The following HHAT variants were observed in gnomAD, a reference collection of about 807,000 sequenced individuals.
The protein encoded by HHAT is protein-cysteine N-palmitoyltransferase HHAT.
A neutral mutation model predicts 70.8 loss-of-function variants in HHAT; 47 were observed. The ratio of observed to expected loss-of-function variants is 0.66; its 90% CI spans 0.53 to 0.85. The LOEUF is 0.85. Among genes scored for constraint, HHAT ranks in the 40% least tolerant of loss-of-function variants. The pLI, the probability that HHAT is intolerant of heterozygous loss-of-function variation, is 0.00. For synonymous variants in HHAT, 228 were observed against 247.6 expected (o/e 0.92, Z 0.74); for missense variants, 609 against 604.8 (o/e 1.01, Z -0.07).
intron 3 of HHAT, among the ~76,000 whole-genome samples, chr1:210,364,816 G>GT (rs2148034841): frequency 6.6e-6 from 1 of 152,340 alleles, no homozygotes; most frequent in South Asian, 2.1e-4. Context: ...GGTCGGGAGT[G>GT]TTGTTGCTCA....
At chr1:210,410,587 C>A (rs570919575) in intron 6 of HHAT, among the ~76,000 whole-genome samples, 4 of 137,574 alleles carry the variant, frequency 2.9e-5, no homozygotes, top group Non-Finnish European at 6.2e-5. Context: ...AGTGCAGTGG[C>A]ACGATCTTGG....
At chr1:210,654,448 C>T (rs1406959390) in intron 11 of HHAT, among the ~76,000 whole-genome samples, 5 of 152,210 alleles carry the variant, frequency 3.3e-5, no homozygotes, top group African/African-American at 1.2e-4. Context: ...TGGCTCTTGG[C>T]ATAGTGCCCA....
In HHAT at chr1:210,536,585, T is replaced by C. The variant is rs921406481; in HGVS notation, c.1043+23397T>C. Reference sequence around the variant, plus strand: ...TGGAAGAACAATATGGGAGAATCTGTCTTTTCTTGAGTTGGAGAAGGATTT... The same window carrying C: ...TGGAAGAACAATATGGGAGAATCTGCCTTTTCTTGAGTTGGAGAAGGATTT... On this transcript the variant is annotated intron_variant, in intron 9 of 11. Coordinates refer to ENST00000261458, the MANE Select transcript of HHAT (RefSeq NM_018194.6). Among the ~76,000 whole-genome samples, 4 of 152,264 alleles carry C rather than the reference T, an allele frequency of 2.6e-5. No individual in the cohort carries two copies. In the East Asian group the frequency reaches 7.7e-4, roughly 29 times the overall value.
rs184744728 is a variant in HHAT, at chr1:210,343,277, T to C, written c.-43-5656T>C. Among the ~76,000 whole-genome samples the C allele has an allele frequency of 5.9e-3, 900 of 152,236 alleles. 5 individuals carry two copies. Among genetic ancestry groups the C allele is most frequent in the Middle Eastern group, 0.01 (3 of 294 alleles). On this transcript the variant is annotated intron_variant, in intron 1 of 11. Coordinates refer to ENST00000261458, the MANE Select transcript of HHAT (RefSeq NM_018194.6). ...AATAAAAACAAAGGGCTGTAGAAGC[T>C]CGAGGTTGCTGCCTTTGCTCCCTAG...
intron 11 of HHAT, among the ~76,000 whole-genome samples, chr1:210,660,376 C>T (rs1012175241): frequency 2.6e-5 from 4 of 152,116 alleles, no homozygotes; most frequent in Admixed American, 2.0e-4. Flanking sequence ...AGGACCCCTT[C>T]AAGGAGAACT....
intron 10 of HHAT, among the ~76,000 whole-genome samples, chr1:210,621,971 C>G (rs903343771): frequency 6.6e-6 from 1 of 152,238 alleles, no homozygotes. Flanking sequence ...GCAGCCAGAT[C>G]TGAGAGTTAA....
At chr1:210,478,457 T>G (rs909363052) in intron 8 of HHAT, among the ~76,000 whole-genome samples, 1 of 151,794 alleles carries the variant, frequency 6.6e-6, no homozygotes, top group African/African-American at 2.4e-5. Flanking sequence ...ATAAGTGGAA[T>G]TTGGCTGTGG....
At chr1:210,383,184 A>G (rs2090782355) in intron 3 of HHAT, among the ~76,000 whole-genome samples, 1 of 152,124 alleles carries the variant, frequency 6.6e-6, no homozygotes, top group African/African-American at 2.4e-5. Flanking sequence ...TACTAAAACT[A>G]CAAAAATTAG....
At chr1:210,333,913 T>TC (rs1221651407) in intron 1 of HHAT, among the ~76,000 whole-genome samples, 5 of 152,118 alleles carry the variant, frequency 3.3e-5, no homozygotes, top group Admixed American at 6.5e-5. Context: ...CACCTTGGCC[T>TC]CCCAAAGTGC....
intron 4 of HHAT, among the ~76,000 whole-genome samples, chr1:210,395,826 T>C (rs1369226218): frequency 6.6e-6 from 1 of 152,170 alleles, no homozygotes; most frequent in Admixed American, 6.5e-5. Flanking sequence ...TCCCAAGACT[T>C]GGGAAAGCAT....
chr1:210,467,451 G>A (rs1302264359), intron 8 of HHAT, among the ~76,000 whole-genome samples: 1 of 152,182 alleles, frequency 6.6e-6, no homozygotes, highest in African/African-American at 2.4e-5. Flanking sequence ...AAGAATGCTT[G>A]TTAAAGGAAA....
At chr1:210,497,958 T>C (rs933735564) in intron 8 of HHAT, among the ~76,000 whole-genome samples, 1 of 152,056 alleles carries the variant, frequency 6.6e-6, no homozygotes, top group African/African-American at 2.4e-5. Context: ...TAGAGGCTAA[T>C]GTTGGCCAGG....
At chr1:210,673,776 T>C (rs953525164) in intron 11 of HHAT, among the ~76,000 whole-genome samples, 1 of 37,526 alleles carries the variant, frequency 2.7e-5, no homozygotes, top group Non-Finnish European at 5.3e-5. Flanking sequence ...TTTATTTATT[T>C]ATTTATTTAT....
intron 9 of HHAT, among the ~76,000 whole-genome samples, chr1:210,544,508 G>T (rs1406820288): frequency 6.6e-6 from 1 of 151,816 alleles, no homozygotes; most frequent in Non-Finnish European, 1.5e-5. Flanking sequence ...GAGTAGCTGG[G>T]ATTACAGGCA....
chr1:210,359,376 C>T (rs936210470), intron 2 of HHAT, among the ~76,000 whole-genome samples: 3 of 152,192 alleles, frequency 2.0e-5, no homozygotes, highest in Non-Finnish European at 4.4e-5. Flanking sequence ...CCACAAGATT[C>T]TAAACCATCC....
At chr1:210,366,786 C>T (rs1433314071) in intron 3 of HHAT, among the ~76,000 whole-genome samples, 1 of 152,176 alleles carries the variant, frequency 6.6e-6, no homozygotes, top group African/African-American at 2.4e-5. Flanking sequence ...GCCATTCTTA[C>T]CTTTACTCAT....
chr1:210,360,846 CTTT>C (rs3036585), intron 2 of HHAT, among the ~76,000 whole-genome samples: 14,843 of 124,264 alleles, frequency 0.12, 940 homozygotes, highest in Non-Finnish European at 0.16. Context: ...ATTAACTTCA[CTTT>C]TTTTTTTTTT....
intron 8 of HHAT, among the ~76,000 whole-genome samples, chr1:210,487,531 G>A (rs146249052): frequency 1.3e-5 from 2 of 152,260 alleles, no homozygotes; most frequent in African/African-American, 4.8e-5. Flanking sequence ...GGAAGCATGT[G>A]CATGTTTTAA....
chr1:210,385,363 C>T (rs2090970351), intron 3 of HHAT, among the ~76,000 whole-genome samples: 2 of 151,414 alleles, frequency 1.3e-5, no homozygotes, highest in South Asian at 4.2e-4. Flanking sequence ...GGCCTCATCA[C>T]ATGACCTTTG....
Sources: allele counts gnomAD v4.1 joint callset (sites outside exome capture counted in the v4.1 genomes callset), GRCh38; gene constraint gnomAD v4.1.1; transcripts MANE v1.5; gene names NCBI Gene and HGNC (gene_info 2026-07-23, HGNC 2026-07-21).